Variants in ACOT11 observed in about 807,000 individuals in gnomAD.
ACOT11 encodes the protein acyl-CoA thioesterase 11.
A neutral mutation model predicts 77.5 loss-of-function variants in ACOT11; 69 were observed. The observed-to-expected ratio is 0.89, with a 90% CI of 0.73 to 1.09. ACOT11 has a LOEUF of 1.09. ACOT11 is among the 50% of genes least tolerant of loss of function. The pLI is 0.00. For missense variants in ACOT11, 766 were observed against 813.7 expected (o/e 0.94, Z 0.71); for synonymous variants, 279 against 313.0 (o/e 0.89, Z 1.15).
rs79586907 is a variant in ACOT11 at position 54,585,640 on chromosome 1, C to T, written c.242-195C>T. Among the ~76,000 whole-genome samples the T allele has an allele frequency of 9.9e-3, 1,500 of 152,162 alleles. 12 individuals are homozygous for T. The highest frequency in any genetic ancestry group is 0.016 in the Non-Finnish European group (1,082 of 67,990). On this transcript the variant is annotated intron_variant, in intron 2 of 15. Coordinates refer to ENST00000343744, the MANE Select transcript of ACOT11 (RefSeq NM_147161.4). The stretch of plus-strand genomic sequence containing the variant: ...GTGGGAGGGAGAGACAGTAGACAGA[C>T]GAAAAGCAGATATACAGAAGATGGT...
rs1329821640 is a variant in ACOT11 at position 54,609,858 on chromosome 1, C to T, written c.*746C>T. On this transcript the variant is annotated 3_prime_UTR_variant, in exon 16 of 16. Transcript: ENST00000343744. ...CAGGACTCCAGCGTCAGGATGTTGC[C>T]ACTTGGAGTATGAACAATGGGCACG... The T allele has an allele frequency of 1.9e-6, 3 of 1,613,914 alleles. No individual in the cohort carries two copies. Among genetic ancestry groups the T allele is most frequent in the Non-Finnish European group, 2.5e-6 (3 of 1,180,036 alleles).
chr1:54,607,973 A>AT lies in ACOT11; in HGVS notation c.1534_1535insT (p.Thr512IlefsTer57). On this transcript the variant is annotated frameshift_variant, in exon 15 of 16. Coordinates refer to ENST00000343744, the MANE Select transcript of ACOT11 (RefSeq NM_147161.4). LOFTEE classifies it high-confidence loss of function. This position sits in a 1 kb window ranked among gnomAD's most constrained non-coding sequence, Gnocchi z 4.5. ...CTATGTCATCGCGCTGAGGTCGGTC[A>AT]CGCTGCCCACACACCGAGAGACGCC... is the stretch of plus-strand genomic sequence containing the variant. 6.2e-7 allele frequency: 1 copy of AT among 1,613,530 alleles called. No individual in the cohort carries two copies. Among genetic ancestry groups the AT allele is most frequent in the Non-Finnish European group, 8.5e-7 (1 of 1,179,870 alleles).
At chr1:54,577,860 G>A (rs17110727) in intron 1 of ACOT11, among the ~76,000 whole-genome samples, 2,726 of 152,334 alleles carry the variant, frequency 0.018, 77 homozygotes, top group East Asian at 0.12. Flanking sequence ...GAGCAAAGCC[G>A]CTTGTGCGCT....
At chr1:54,631,252 G>A (rs2101033805) in intron 16 of ACOT11, among the ~76,000 whole-genome samples, 1 of 152,316 alleles carries the variant, frequency 6.6e-6, no homozygotes, top group East Asian at 1.9e-4. Flanking sequence ...ACAAGAGGGT[G>A]ATTTAGAGGC....
At chr1:54,565,431 C>T (rs150327893) in intron 1 of ACOT11, among the ~76,000 whole-genome samples, 5 of 152,280 alleles carry the variant, frequency 3.3e-5, no homozygotes, top group African/African-American at 1.2e-4. Flanking sequence ...CCTGATCGCC[C>T]TCCAGCTGAT....
intron 13 of ACOT11, among the ~76,000 whole-genome samples, chr1:54,605,488 C>T (rs1205752897): frequency 6.6e-6 from 1 of 152,142 alleles, no homozygotes; most frequent in Non-Finnish European, 1.5e-5. Flanking sequence ...CCTTTCTGGC[C>T]TCAGTTTCTC....
At chr1:54,572,990 C>A in intron 1 of ACOT11, 1 of 985,416 alleles carries the variant, frequency 1.0e-6, no homozygotes, top group Non-Finnish European at 1.2e-6. Context: ...TGACAGTGGC[C>A]CAGTGGGACA....
rs759721997 is a variant in ACOT11, at chr1:54,601,443, G to A, written c.1029+30G>A. On this transcript the variant is annotated intron_variant, in intron 9 of 15. Transcript: ENST00000343744. Reference sequence around the variant, plus strand: ...GTGGGACCAGCGCCCTGCCCCACCAGCAGCTCCCCTCCCCTCCCTCTCTGC... The same window carrying A: ...GTGGGACCAGCGCCCTGCCCCACCAACAGCTCCCCTCCCCTCCCTCTCTGC... 10 of 1,602,162 alleles carry A rather than the reference G, an allele frequency of 6.2e-6. No homozygotes were observed. The South Asian group carries it at 1.1e-4, about 18-fold the overall frequency.
chr1:54,621,511 C>T (rs1644229607), intron 15 of ACOT11: 1 of 151,978 alleles, frequency 6.6e-6, no homozygotes, highest in Non-Finnish European at 1.5e-5. Context: ...ATTGGAAGAA[C>T]GTTGGGATCA....
chr1:54,633,373 A>G (rs958623630), intron 16 of ACOT11, among the ~76,000 whole-genome samples: 1 of 152,244 alleles, frequency 6.6e-6, no homozygotes, highest in East Asian at 1.9e-4. Flanking sequence ...AACTGACTTA[A>G]GAGCCATCAG....
chr1:54,560,695 CA>C (rs1365580755), intron 1 of ACOT11, among the ~76,000 whole-genome samples: 4 of 151,538 alleles, frequency 2.6e-5, no homozygotes, highest in Non-Finnish European at 5.9e-5. Context: ...ACCTAGCAAC[CA>C]AAAGAACAAT....
At chr1:54,606,350 G>A (rs1047036143) in intron 13 of ACOT11, among the ~76,000 whole-genome samples, 5 of 152,210 alleles carry the variant, frequency 3.3e-5, no homozygotes, top group African/African-American at 1.2e-4. Context: ...GGGAAAGAGA[G>A]CCCCTAGTTT....
chr1:54,561,257 C>T (rs1557646653), intron 1 of ACOT11, among the ~76,000 whole-genome samples: 2 of 114,582 alleles, frequency 1.7e-5, no homozygotes, highest in East Asian at 2.4e-4. Flanking sequence ...CGGCCTTCCG[C>T]AGTGTTTGTG....
At chr1:54,594,420 G>C in intron 5 of ACOT11, 136 bp from the exon 6 acceptor site, 1 of 1,184,572 alleles carries the variant, frequency 8.4e-7, no homozygotes, top group Non-Finnish European at 1.2e-6. Flanking sequence ...CAAAGAGGGA[G>C]GAAGCCTTGG....
At chr1:54,594,461 C>T in intron 5 of ACOT11, 95 bp from the exon 6 acceptor site, 3 of 1,474,038 alleles carry the variant, frequency 2.0e-6, no homozygotes, top group South Asian at 2.8e-5. Flanking sequence ...CTGCTGTGTG[C>T]TAGCCTCGGG....
intron 5 of ACOT11, 115 bp from the exon 6 acceptor site, chr1:54,594,441 C>T (rs891559637): frequency 5.2e-5 from 70 of 1,348,434 alleles, no homozygotes; most frequent in Non-Finnish European, 6.9e-5. Context: ...AACTGAGCAG[C>T]AGCCCACGCC....
At chr1:54,613,294 G>A (rs1252668702), downstream of ACOT11, among the ~76,000 whole-genome samples, 1 of 151,988 alleles carries the variant, frequency 6.6e-6, no homozygotes, top group Non-Finnish European at 1.5e-5. Flanking sequence ...CAGGAAAATC[G>A]CTTGAACCCA....
chr1:54,625,176 C>CACTTGGACGAACCAGAGGGTAGCTCTGGT (rs1295971273), intron 15 of ACOT11, among the ~76,000 whole-genome samples: 1 of 151,262 alleles, frequency 6.6e-6, no homozygotes, highest in African/African-American at 2.4e-5. Context: ...GGAGCCCAGG[C>CACTTGGACGAACCAGAGGGTAGCTCTGGT]TCAATTCTCA....
chr1:54,600,499 AT>A (rs1275401783), intron 8 of ACOT11, among the ~76,000 whole-genome samples: 1 of 152,152 alleles, frequency 6.6e-6, no homozygotes, highest in Admixed American at 6.5e-5. Context: ...CCTGGCCAAC[AT>A]GGCGAAACCC....
Sources: allele counts gnomAD v4.1 joint callset (sites outside exome capture counted in the v4.1 genomes callset), GRCh38; gene constraint gnomAD v4.1.1; non-coding constraint Gnocchi (gnomAD v3.1); transcripts MANE v1.5; gene names NCBI Gene and HGNC (gene_info 2026-07-23, HGNC 2026-07-21).